MAP7: variants seen among roughly 807,000 people sequenced by gnomAD.
The protein encoded by MAP7 is microtubule associated protein 7.
In MAP7, 52 loss-of-function variants were observed where a neutral mutation model predicts 94.8. The ratio of observed to expected loss-of-function variants is 0.55; its 90% CI spans 0.44 to 0.69. MAP7 has a LOEUF of 0.69. MAP7 is among the 30% of genes least tolerant of loss of function. The pLI, the probability that MAP7 is intolerant of heterozygous loss-of-function variation, is 0.00. For synonymous variants in MAP7, 350 were observed against 357.0 expected (o/e 0.98, Z 0.22); for missense variants, 940 against 964.6 (o/e 0.97, Z 0.34).
chr6:136,378,669 GTATGGTCCCAAAT>G (rs1483460123), intron 6 of MAP7, among the ~76,000 whole-genome samples: 1 of 152,168 alleles, frequency 6.6e-6, no homozygotes, highest in African/African-American at 2.4e-5. Context: ...ACGCAATGAT[GTATGGTCCCAAAT>G]TATATTGGAG....
intron 7 of MAP7, among the ~76,000 whole-genome samples, chr6:136,376,099 A>G (rs1262639338): frequency 3.9e-5 from 6 of 152,106 alleles, no homozygotes; most frequent in Non-Finnish European, 8.8e-5. Context: ...TAGGACTGAA[A>G]AGCGGTTTTT....
chr6:136,526,757 CA>C, intron 1 of MAP7: 1 of 861,520 alleles, frequency 1.2e-6, no homozygotes, highest in Non-Finnish European at 1.4e-6. Context: ...TTTTCTGGGC[CA>C]GGTTGTCTAT....
intron 1 of MAP7, among the ~76,000 whole-genome samples, chr6:136,482,879 T>C (rs1813338625): frequency 6.6e-6 from 1 of 152,006 alleles, no homozygotes; most frequent in African/African-American, 2.4e-5. Flanking sequence ...CAGAACTTGG[T>C]CAACTAAAAA....
intron 6 of MAP7, among the ~76,000 whole-genome samples, chr6:136,379,022 G>C (rs999009254): frequency 6.6e-6 from 1 of 152,070 alleles, no homozygotes; most frequent in African/African-American, 2.4e-5. Flanking sequence ...ACTGTGACTG[G>C]ATTAAAAGTC....
At chr6:136,447,925 CT>C (rs1252209211) in intron 1 of MAP7, among the ~76,000 whole-genome samples, 37 of 152,312 alleles carry the variant, frequency 2.4e-4, no homozygotes, top group African/African-American at 8.7e-4. Context: ...GGCCCAGTGG[CT>C]CACGCCTGTA....
chr6:136,417,974 C>T (rs763018774), intron 2 of MAP7, among the ~76,000 whole-genome samples: 4 of 152,198 alleles, frequency 2.6e-5, no homozygotes, highest in African/African-American at 7.2e-5. Context: ...CATGAAAACA[C>T]GCAGTTTTCT....
intron 1 of MAP7, among the ~76,000 whole-genome samples, chr6:136,428,342 C>T (rs1459821169): frequency 3.9e-5 from 6 of 152,104 alleles, no homozygotes; most frequent in African/African-American, 1.4e-4. Flanking sequence ...ATGGTGAAAC[C>T]TCGTCCCTAC....
intron 3 of MAP7, among the ~76,000 whole-genome samples, chr6:136,395,194 T>C (rs187336474): frequency 2.8e-3 from 430 of 151,638 alleles, no homozygotes; most frequent in Non-Finnish European, 4.9e-3. Context: ...AGCAGTGTAC[T>C]GGTGTTCCCC....
At chr6:136,534,455 T>C (rs1008321325) in intron 1 of MAP7, among the ~76,000 whole-genome samples, 1 of 152,228 alleles carries the variant, frequency 6.6e-6, no homozygotes, top group Non-Finnish European at 1.5e-5. Flanking sequence ...CCCAGCAACA[T>C]CTAATGTTTG....
intron 16 of MAP7, among the ~76,000 whole-genome samples, chr6:136,355,572 T>C (rs1790672696): frequency 6.9e-6 from 1 of 144,616 alleles, no homozygotes; most frequent in Non-Finnish European, 1.5e-5. Flanking sequence ...CATTACATTA[T>C]AAAATTACAT....
intron 1 of MAP7, among the ~76,000 whole-genome samples, chr6:136,423,782 G>GTTTTTTT (rs60134746): frequency 1.5e-5 from 2 of 136,136 alleles, no homozygotes; most frequent in South Asian, 2.2e-4. Flanking sequence ...AGGGAGTTGT[G>GTTTTTTT]TTTTTTTTTT....
intron 7 of MAP7, among the ~76,000 whole-genome samples, chr6:136,376,434 GA>G (rs1776189314): frequency 6.6e-6 from 1 of 152,184 alleles, no homozygotes; most frequent in Admixed American, 6.5e-5. Context: ...ATTAGCTAAA[GA>G]AAAACTCATG....
chr6:136,480,665 A>AG (rs1322124915), intron 1 of MAP7, among the ~76,000 whole-genome samples: 43 of 150,568 alleles, frequency 2.9e-4, no homozygotes, highest in Middle Eastern at 3.4e-3. Flanking sequence ...AAAAAAAAAA[A>AG]AAAAGAAAAG....
chr6:136,386,586 T>C (rs1331112397), intron 5 of MAP7, among the ~76,000 whole-genome samples: 1 of 152,156 alleles, frequency 6.6e-6, no homozygotes, highest in African/African-American at 2.4e-5. Context: ...TATATGATTA[T>C]AAAAATATAT....
intron 2 of MAP7, among the ~76,000 whole-genome samples, chr6:136,413,108 G>A (rs887693368): frequency 6.6e-6 from 1 of 152,162 alleles, no homozygotes; most frequent in Admixed American, 6.5e-5. Context: ...GATGCAGGGA[G>A]CCAAGATCGC....
At chr6:136,545,434 T>A (rs1374312358) in intron 1 of MAP7, 1 of 152,260 alleles carries the variant, frequency 6.6e-6, no homozygotes, top group Non-Finnish European at 1.5e-5. Context: ...TATTTCAAGA[T>A]TCATGGGCAC....
chr6:136,357,142 T>C (rs915771403), intron 15 of MAP7, among the ~76,000 whole-genome samples: 3 of 152,222 alleles, frequency 2.0e-5, no homozygotes, highest in African/African-American at 7.2e-5. Flanking sequence ...GTAAGCTGAC[T>C]TGATCAAGCT....
chr6:136,527,332 G>GA (rs1828053343), intron 1 of MAP7, among the ~76,000 whole-genome samples: 1 of 152,188 alleles, frequency 6.6e-6, no homozygotes, highest in South Asian at 2.1e-4. Flanking sequence ...GCCAAATTAA[G>GA]AAAAAACATT....
Position 136,550,341 on chromosome 6 carries a change from C to T in MAP7, c.67+1G>A, listed in dbSNP as rs771690431. On this transcript the variant is annotated splice_donor_variant, in intron 1 of 17. Transcript: ENST00000354570. LOFTEE classifies it high-confidence loss of function. The surrounding 1 kb of genome is among the most constrained non-coding windows in gnomAD (Gnocchi z 5.1). ...CCCCACTATCCCCGCTGTGCGGTCA[C>T]CTGTTTCGCTTCGCACTGCGCCGTC... 2 of 1,521,452 alleles carry T rather than the reference C, an allele frequency of 1.3e-6. No individual in the cohort carries two copies. Among genetic ancestry groups the T allele is most frequent in the Non-Finnish European group, 1.8e-6 (2 of 1,142,810 alleles). The allele number at this position is 1,521,452 out of a possible 1,614,324, so 94.2% of individuals were successfully genotyped here.
Sources: gnomAD v4.1 joint callset for allele counts (sites outside exome capture counted in the v4.1 genomes callset) on GRCh38, gnomAD v4.1.1 for gene constraint, Gnocchi (gnomAD v3.1) non-coding constraint, MANE v1.5 for transcripts, NCBI Gene and HGNC (gene_info 2026-07-23, HGNC 2026-07-21) for gene names.